TMEM164: variants seen among roughly 807,000 people sequenced by gnomAD.
TMEM164 encodes the protein RP13-360B22.2.
Under a neutral mutation model 18.8 loss-of-function variants are expected in TMEM164, and 4 were observed. The ratio of observed to expected loss-of-function variants is 0.21; its 90% confidence interval spans 0.10 to 0.49. TMEM164 has a LOEUF of 0.49. Among genes scored for constraint, TMEM164 ranks in the 20% least tolerant of loss-of-function variants. The pLI is 0.98. For missense variants in TMEM164, 108 were observed against 239.9 expected (o/e 0.45, Z 3.63); for synonymous variants, 86 against 101.7 (o/e 0.85, Z 0.93).
downstream of TMEM164, among the ~76,000 whole-genome samples, chrX:110,181,737 T>C (rs755828343): frequency 5.3e-5 from 6 of 112,588 alleles, no homozygotes; most frequent in Non-Finnish European, 9.4e-5. Context: ...TAGTAGTAAA[T>C]ATCCTTGTCT....
chrX:110,062,088 T>C (rs1038370064), intron 2 of TMEM164, among the ~76,000 whole-genome samples: 1 of 112,232 alleles, frequency 8.9e-6, no homozygotes, highest in African/African-American at 3.2e-5. Flanking sequence ...TCTGATTACA[T>C]AAAGATTTAA....
intron 3 of TMEM164, among the ~76,000 whole-genome samples, chrX:110,091,407 G>T (rs1432252448): frequency 8.9e-6 from 1 of 111,885 alleles, no homozygotes; most frequent in African/African-American, 3.3e-5. Context: ...ATTCTAACTG[G>T]TGTGAGATGG....
intron 3 of TMEM164, among the ~76,000 whole-genome samples, chrX:110,075,218 T>C (rs1463713177): frequency 9.0e-6 from 1 of 111,670 alleles, no homozygotes; most frequent in Non-Finnish European, 1.9e-5. Flanking sequence ...TTTTTGTAGC[T>C]ATTGTAAAAT....
intron 4 of TMEM164, among the ~76,000 whole-genome samples, chrX:110,140,613 C>T (rs1439500138): frequency 8.9e-6 from 1 of 111,890 alleles, no homozygotes; most frequent in Non-Finnish European, 1.9e-5. Flanking sequence ...ACAGTCTAAA[C>T]TCTAGAGCCC....
At chrX:110,178,917 C>T (rs2067312345), downstream of TMEM164, among the ~76,000 whole-genome samples, 1 of 112,341 alleles carries the variant, frequency 8.9e-6, no homozygotes, top group Admixed American at 9.4e-5. Context: ...CTCCACTCTC[C>T]ACCAGCTTCC....
rs1018693418 is a variant in TMEM164 at position 110,117,761 on chromosome X, C to G, written c.507+8615C>G. ...CTAATCATTTTACCAGCTTTTAGTC[C>G]TGTTGCCTCAAGGGTAAATTGTGTT... On this transcript the variant is annotated intron_variant, in intron 4 of 6. Transcript: ENST00000372068. 5.4e-5 allele frequency among the ~76,000 whole-genome samples: 6 copies of G among 112,126 alleles called. No individual in the cohort carries two copies. In the South Asian group the frequency reaches 2.2e-3, roughly 41 times the overall value.
At chrX:110,085,157 CTTTTT>C (rs769083794) in intron 3 of TMEM164, among the ~76,000 whole-genome samples, 1 of 96,282 alleles carries the variant, frequency 1.0e-5, no homozygotes, top group African/African-American at 3.7e-5. Context: ...TTCATATGAA[CTTTTT>C]TTTTTTTTTT....
chrX:110,173,157 C>T (rs2067253344), intron 6 of TMEM164, 88 bp from the exon 7 acceptor site: 1 of 938,070 alleles, frequency 1.1e-6, no homozygotes, highest in Non-Finnish European at 1.5e-6. Flanking sequence ...TTGTCTAGTC[C>T]CCCATTAGGT....
intron 4 of TMEM164, among the ~76,000 whole-genome samples, chrX:110,112,645 G>A (rs1029461149): frequency 8.9e-6 from 1 of 112,035 alleles, no homozygotes; most frequent in Non-Finnish European, 1.9e-5. Flanking sequence ...AACTTATGAG[G>A]CAAGGTACTG....
At chrX:110,104,789 GTAAGCTATT>G (rs1465089681) in intron 3 of TMEM164, among the ~76,000 whole-genome samples, 1 of 111,723 alleles carries the variant, frequency 9.0e-6, no homozygotes, top group East Asian at 2.8e-4. Flanking sequence ...CTGGTCAACA[GTAAGCTATT>G]GGTAGTTAAC....
At chrX:110,021,230 T>C (rs926846818) in intron 2 of TMEM164, among the ~76,000 whole-genome samples, 5 of 111,885 alleles carry the variant, frequency 4.5e-5, no homozygotes, top group African/African-American at 1.6e-4. Context: ...AGAATAGCTT[T>C]ACTAAAAAAG....
At chrX:110,042,208 G>A (rs1368994405) in intron 2 of TMEM164, among the ~76,000 whole-genome samples, 1 of 108,399 alleles carries the variant, frequency 9.2e-6, no homozygotes, top group Non-Finnish European at 1.9e-5. Flanking sequence ...ACCTTCCCCA[G>A]GCCCTGGTAA....
At chrX:110,046,594 G>A in intron 2 of TMEM164, 1 of 505,299 alleles carries the variant, frequency 2.0e-6, no homozygotes, top group Non-Finnish European at 2.4e-6. Context: ...TTTCTCTTCT[G>A]GTGTCACTAG....
At chrX:110,028,121 G>A (rs1374934539) in intron 2 of TMEM164, among the ~76,000 whole-genome samples, 2 of 111,879 alleles carry the variant, frequency 1.8e-5, no homozygotes, top group Non-Finnish European at 3.8e-5. Context: ...TGTTTTGCTA[G>A]GAATTTGACC....
chrX:110,105,725 C>G (rs12840764), intron 3 of TMEM164, among the ~76,000 whole-genome samples: 6 of 93,655 alleles, frequency 6.4e-5, no homozygotes, highest in South Asian at 5.3e-4. Context: ...CACACAGACA[C>G]ACACACAGAG....
intron 2 of TMEM164, among the ~76,000 whole-genome samples, chrX:110,011,902 G>A: frequency 8.9e-6 from 1 of 111,791 alleles, no homozygotes; most frequent in Middle Eastern, 4.6e-3. Context: ...TATTATCAGG[G>A]GTAGATGTCT....
chrX:110,159,954 C>T (rs2067070459), intron 5 of TMEM164, among the ~76,000 whole-genome samples: 1 of 110,993 alleles, frequency 9.0e-6, no homozygotes, highest in South Asian at 3.9e-4. Flanking sequence ...ACACCCCAGG[C>T]CAGTGGTGGT....
At chrX:110,030,632 G>A (rs1326451403) in intron 2 of TMEM164, among the ~76,000 whole-genome samples, 3 of 106,516 alleles carry the variant, frequency 2.8e-5, no homozygotes, top group Admixed American at 1.0e-4. Context: ...CCAAAATGGC[G>A]AAACCCCATC....
At chrX:110,131,485 G>A (rs754408355) in intron 4 of TMEM164, among the ~76,000 whole-genome samples, 1 of 111,434 alleles carries the variant, frequency 9.0e-6, no homozygotes, top group African/African-American at 3.3e-5. Flanking sequence ...AATTTTCTGG[G>A]TGGAATCTGT....
Sources: gnomAD v4.1 joint callset for allele counts (sites outside exome capture counted in the v4.1 genomes callset) on GRCh38, gnomAD v4.1.1 for gene constraint, MANE v1.5 for transcripts, NCBI Gene and HGNC (gene_info 2026-07-23, HGNC 2026-07-21) for gene names.